The following SIDT1 variants were observed in gnomAD, a reference collection of about 807,000 sequenced individuals.
SIDT1 encodes the protein SID1 transmembrane family, member 1.
Under a neutral mutation model 107.5 loss-of-function variants are expected in SIDT1, and 101 were observed. That is an observed-to-expected ratio of 0.94 (90% CI 0.80 to 1.11). The LOEUF is 1.11. Ranked by LOEUF, SIDT1 falls within the 50% of genes least tolerant of loss-of-function variation. SIDT1 has a pLI of 0.00. For synonymous variants in SIDT1, 395 were observed against 398.2 expected, an observed-to-expected ratio of 0.99 and a Z score of 0.10; for missense variants, 1,076 against 1,058.2, an observed-to-expected ratio of 1.02 and a Z score of -0.23.
chr3:113,567,875 T>A, intron 3 of SIDT1, 165 bp downstream of exon 3: 1 of 654,262 alleles, frequency 1.5e-6, no homozygotes, highest in Non-Finnish European at 2.6e-6. Context: ...AGCAGGGCCT[T>A]AATCTATACA....
intron 20 of SIDT1, among the ~76,000 whole-genome samples, chr3:113,618,896 C>T (rs571593251): frequency 6.6e-6 from 1 of 152,302 alleles, no homozygotes; most frequent in Admixed American, 6.5e-5. Context: ...AAAATCTCGG[C>T]TCACTGCAAC....
Position 113,576,948 on chromosome 3 carries a change from C to G in SIDT1, c.542C>G (p.Ala181Gly), listed in dbSNP as rs1942953262. 2 of 1,614,180 alleles carry G rather than the reference C, an allele frequency of 1.2e-6. No individual in the cohort carries two copies. The highest frequency in any genetic ancestry group is 4.5e-5 in the East Asian group (2 of 44,882). ...ACAAATGTTGCCTTTCACTTTACTG[C>G]CAGCCCCTCTCAACCTCAGGTAAGT... The part of the protein sequence containing the change: ...LRTNVAFHFT[A>G]SPSQPQYFLY... Residue 181 changes from alanine to glycine, a missense_variant, in exon 4 of 25, where the codon GCC (alanine) becomes GGC (glycine). Ala to Gly is a moderately conservative substitution (Grantham distance 60). Coordinates refer to ENST00000264852, the MANE Select transcript of SIDT1 (RefSeq NM_017699.3).
chr3:113,538,383 G>A (rs1560001349), intron 1 of SIDT1, among the ~76,000 whole-genome samples: 1 of 152,218 alleles, frequency 6.6e-6, no homozygotes, highest in Non-Finnish European at 1.5e-5. Flanking sequence ...CAGGTGGTAA[G>A]TTGTGTGATG....
chr3:113,602,779 G>A (rs1321256512), intron 11 of SIDT1: 4 of 407,078 alleles, frequency 9.8e-6, no homozygotes, highest in African/African-American at 8.2e-5. Context: ...TCTAATATGT[G>A]TTCAGTCCTG....
chr3:113,570,861 A>G (rs1942382618), intron 3 of SIDT1, among the ~76,000 whole-genome samples: 1 of 152,206 alleles, frequency 6.6e-6, no homozygotes, highest in Admixed American at 6.5e-5. Flanking sequence ...AGAATCATAC[A>G]TTTTAAGAAC....
At chr3:113,633,756 T>C (rs1422709661), downstream of SIDT1, among the ~76,000 whole-genome samples, 2 of 152,192 alleles carry the variant, frequency 1.3e-5, no homozygotes, top group East Asian at 1.9e-4. Flanking sequence ...TTTCAGTGTC[T>C]ATAAAATGGA....
intron 5 of SIDT1, 26 bp from the exon 6 acceptor site, chr3:113,581,335 C>CT (rs1943320984): frequency 6.3e-7 from 1 of 1,585,972 alleles, no homozygotes; most frequent in Non-Finnish European, 8.7e-7. Context: ...GGATGCTTTC[C>CT]ATTTTATTCC....
intron 1 of SIDT1, among the ~76,000 whole-genome samples, chr3:113,563,967 G>A (rs1172907756): frequency 6.6e-6 from 1 of 151,576 alleles, no homozygotes. Flanking sequence ...GTTTTTTTGA[G>A]ATGGAGTTTC....
chr3:113,575,077 C>T (rs1576818351), intron 3 of SIDT1, among the ~76,000 whole-genome samples: 1 of 152,160 alleles, frequency 6.6e-6, no homozygotes, highest in Non-Finnish European at 1.5e-5. Flanking sequence ...ACATGTTTTA[C>T]AAGTTTGCAT....
At chr3:113,607,942 A>C (rs1213034894) in intron 15 of SIDT1, 152 bp from the exon 16 acceptor site, 1 of 918,294 alleles carries the variant, frequency 1.1e-6, no homozygotes, top group Non-Finnish European at 1.5e-6. Context: ...TAGGTTAAAG[A>C]GGATTTCTAA....
intron 9 of SIDT1, among the ~76,000 whole-genome samples, chr3:113,590,761 A>G (rs1403546082): frequency 6.6e-6 from 1 of 152,290 alleles, no homozygotes; most frequent in African/African-American, 2.4e-5. Context: ...AACAAATTAA[A>G]TGTAAGACTT....
At chr3:113,617,892 T>C (rs1946213802) in intron 20 of SIDT1, among the ~76,000 whole-genome samples, 1 of 152,156 alleles carries the variant, frequency 6.6e-6, no homozygotes, top group African/African-American at 2.4e-5. Flanking sequence ...CAAACCACAG[T>C]GGTACATTGG....
chr3:113,611,974 A>T, intron 18 of SIDT1, 112 bp from the exon 19 acceptor site: 1 of 710,722 alleles, frequency 1.4e-6, no homozygotes, highest in Non-Finnish European at 2.4e-6. Context: ...GGAGAAAAAT[A>T]GAATGTGCAC....
At position 113,619,665 on chromosome 3, in the gene SIDT1, T is replaced by C. The variant is rs1269006970; in HGVS notation, c.2044-15T>C. On this transcript the variant is annotated splice_polypyrimidine_tract_variant and intron_variant, in intron 20 of 24. Coordinates refer to ENST00000264852, the MANE Select transcript of SIDT1 (RefSeq NM_017699.3). ...GTGCAGCCTCTCATTTGATGTTTTC[T>C]TTCCTCTTTTCCAGGATAGAATGGT... 6 of 1,613,702 alleles carry C rather than the reference T, an allele frequency of 3.7e-6. No homozygotes were observed. The highest frequency in any genetic ancestry group is 1.7e-4 in the Middle Eastern group (1 of 6,060).
rs377212492 is a variant in SIDT1, at chr3:113,585,009, A to G, written c.908-168A>G. On this transcript the variant is annotated intron_variant, in intron 8 of 24. Transcript: ENST00000264852. ...GAAGTCATCATTGTGAAAGGTAGCT[A>G]CTGTGGATAATGTCTGGGGACCTCC... 3.9e-5 allele frequency among the ~76,000 whole-genome samples: 6 copies of G among 152,318 alleles called. No individual in the cohort carries two copies. In the East Asian group the frequency reaches 7.7e-4, roughly 20 times the overall value.
At chr3:113,615,316 G>T (rs1946026740) in intron 19 of SIDT1, among the ~76,000 whole-genome samples, 1 of 152,172 alleles carries the variant, frequency 6.6e-6, no homozygotes, top group African/African-American at 2.4e-5. Flanking sequence ...GACCACGGGG[G>T]TAACCTTGAG....
intron 1 of SIDT1, among the ~76,000 whole-genome samples, chr3:113,548,834 T>G (rs1341399450): frequency 6.6e-6 from 1 of 152,160 alleles, no homozygotes; most frequent in African/African-American, 2.4e-5. Context: ...AATATATAAG[T>G]ATTCAAATCT....
chr3:113,626,240 G>T (rs1268764550), intron 24 of SIDT1, 25 bp downstream of exon 24: 1 of 1,475,510 alleles, frequency 6.8e-7, no homozygotes, highest in African/African-American at 1.4e-5. Context: ...ATCTTTTTGT[G>T]ACTTTCTTCT....
intron 1 of SIDT1, among the ~76,000 whole-genome samples, chr3:113,561,664 T>C (rs962988184): frequency 6.6e-6 from 1 of 152,212 alleles, no homozygotes; most frequent in African/African-American, 2.4e-5. Context: ...CTAGTCCCCA[T>C]CCATGTACAT....
Sources: gnomAD v4.1 joint callset for allele counts (sites outside exome capture counted in the v4.1 genomes callset) on GRCh38, gnomAD v4.1.1 for gene constraint, MANE v1.5 for transcripts, NCBI Gene and HGNC (gene_info 2026-07-23, HGNC 2026-07-21) for gene names.